MINAR1: variants seen among roughly 807,000 people sequenced by gnomAD.
The protein encoded by MINAR1 is major intrinsically disordered Notch2-binding receptor 1.
A neutral mutation model predicts 65.1 loss-of-function variants in MINAR1; 40 were observed. That is an observed-to-expected ratio of 0.61 (90% CI 0.48 to 0.80). MINAR1 has a LOEUF of 0.80. MINAR1 is among the 30% of genes least tolerant of loss of function. The probability of loss-of-function intolerance (pLI) is 0.00; values close to 1 mark genes in which losing one functional copy is unlikely to be tolerated. For missense variants in MINAR1, 1,128 were observed against 1,148.0 expected (o/e 0.98, Z 0.25); for synonymous variants, 482 against 449.1 (o/e 1.07, Z -0.93).
chr15:79,459,884 C>T (rs1895586151), intron 2 of MINAR1, among the ~76,000 whole-genome samples: 3 of 152,316 alleles, frequency 2.0e-5, no homozygotes, highest in African/African-American at 2.4e-5. Flanking sequence ...CAGTCCTCCC[C>T]TTGGGTTCTA....
the MINAR1 span, chr15:79,423,324 G>A: frequency 6.6e-6 from 1 of 152,174 alleles, no homozygotes; most frequent in Admixed American, 6.5e-5. Context: ...AAAAATAACA[G>A]ACTATGCTGA....
At chr15:79,467,851 G>A (rs144351566) in intron 3 of MINAR1, among the ~76,000 whole-genome samples, 1 of 152,172 alleles carries the variant, frequency 6.6e-6, no homozygotes, top group Non-Finnish European at 1.5e-5. Context: ...TTTGCAGTGA[G>A]GCCAGCCCCT....
chr15:79,412,063 A>G, the MINAR1 span: 2 of 140,108 alleles, frequency 1.4e-5, no homozygotes, highest in South Asian at 5.3e-4. Flanking sequence ...CTGTGCTGGC[A>G]AACCACACCA....
the MINAR1 span, chr15:79,427,171 AAACC>A: frequency 6.6e-6 from 1 of 152,234 alleles, no homozygotes; most frequent in South Asian, 2.1e-4. Flanking sequence ...TGGGAACAGA[AAACC>A]AAATAATGCA....
intron 2 of MINAR1, among the ~76,000 whole-genome samples, chr15:79,459,022 TA>T (rs201452643): frequency 2.6e-5 from 4 of 151,784 alleles, no homozygotes; most frequent in African/African-American, 9.7e-5. Flanking sequence ...ACTAAAAATG[TA>T]AAAAAAATTA....
chr15:79,467,799 C>T (rs960926377), intron 3 of MINAR1, among the ~76,000 whole-genome samples: 1 of 152,168 alleles, frequency 6.6e-6, no homozygotes, highest in Non-Finnish European at 1.5e-5. Flanking sequence ...GTTCTTAGAG[C>T]CTGTTGGAAG....
upstream of MINAR1, among the ~76,000 whole-genome samples, chr15:79,428,186 TCC>T (rs1366990932): frequency 1.1e-5 from 1 of 93,098 alleles, no homozygotes. Context: ...CCTCCCTCCC[TCC>T]CCTCCCTCTC....
At position 79,458,192 on chromosome 15, in the gene MINAR1, G is replaced by T. The variant is rs972017302; in HGVS notation, c.2045G>T (p.Cys682Phe). 3.1e-6 allele frequency: 5 copies of T among 1,614,008 alleles called. No individual in the cohort carries two copies. The South Asian group carries it at 3.3e-5, about 11-fold the overall frequency. The stretch of plus-strand genomic sequence containing the variant: ...AAACTAGAGAACAACCCTGACTGGT[G>T]CTGCTCTGATGCTAGCGGGAGCAAC... ...GPKLENNPDW[C>F]CSDASGSNSE... The change falls in exon 2 of 4, where the codon TGC becomes TTC. Residue 682 changes from cysteine to phenylalanine, a missense_variant. Physicochemically the swap from Cys to Phe is radical, Grantham distance 205. Transcript: ENST00000305428.
intron 2 of MINAR1, among the ~76,000 whole-genome samples, chr15:79,460,478 CTT>C (rs1422938466): frequency 6.6e-6 from 1 of 152,190 alleles, no homozygotes; most frequent in Non-Finnish European, 1.5e-5. Flanking sequence ...CTTGGGCTCA[CTT>C]TGTCCAGCGT....
chr15:79,456,007 CTTTATATGG>C, intron 1 of MINAR1, 82 bp from the exon 2 acceptor site: 1 of 701,188 alleles, frequency 1.4e-6, no homozygotes, highest in Non-Finnish European at 2.3e-6. Flanking sequence ...CTCTGTATTT[CTTTATATGG>C]TTTATAAGGA....
At chr15:79,435,720 A>C (rs988046441) in intron 1 of MINAR1, among the ~76,000 whole-genome samples, 12 of 152,348 alleles carry the variant, frequency 7.9e-5, no homozygotes, top group African/African-American at 2.9e-4. Flanking sequence ...TATGGTGGAA[A>C]TCTTAGGAGA....
At chr15:79,459,275 A>G (rs944062060) in intron 2 of MINAR1, among the ~76,000 whole-genome samples, 31 of 152,322 alleles carry the variant, frequency 2.0e-4, no homozygotes, top group African/African-American at 7.5e-4. Context: ...TTTTTTCTCT[A>G]CACTGTTGTT....
rs543213667 is a variant in MINAR1 at position 79,448,095 on chromosome 15, G to T, written c.-50-8003G>T. Among the ~76,000 whole-genome samples the T allele has an allele frequency of 3.6e-4, 55 of 152,230 alleles. 1 individual carries two copies. The highest frequency in any genetic ancestry group is 1.3e-3 in the African/African-American group (52 of 41,530). On this transcript the variant is annotated intron_variant, in intron 1 of 3. Transcript: ENST00000305428. Reference sequence around the variant, plus strand: ...GAATCTGGGCATTTAGCTTGCTCTCGCAAGTTTAGTTATGCCCGTTAAGAA... The same window carrying T: ...GAATCTGGGCATTTAGCTTGCTCTCTCAAGTTTAGTTATGCCCGTTAAGAA...
At chr15:79,463,392 G>C in intron 3 of MINAR1, 71 bp downstream of exon 3, 4 of 1,569,744 alleles carry the variant, frequency 2.5e-6, no homozygotes, top group Non-Finnish European at 3.5e-6. Context: ...AATGGATCAC[G>C]GACGGCTTAG....
intron 3 of MINAR1, among the ~76,000 whole-genome samples, chr15:79,465,965 G>A (rs1013713254): frequency 3.9e-5 from 6 of 152,146 alleles, no homozygotes; most frequent in South Asian, 2.1e-4. Flanking sequence ...AGGAAGAGGC[G>A]GTCCAACAGT....
the MINAR1 span, chr15:79,422,275 G>A: frequency 6.6e-6 from 1 of 152,280 alleles, no homozygotes; most frequent in African/African-American, 2.4e-5. Flanking sequence ...ATGCAGGCCA[G>A]GCGTGGTGGC....
At chr15:79,425,728 G>A in the MINAR1 span, 1 of 152,252 alleles carries the variant, frequency 6.6e-6, no homozygotes, top group African/African-American at 2.4e-5. Flanking sequence ...TGAGGAAACA[G>A]AAGTCCAGAG....
In MINAR1 at chr15:79,471,992, A is replaced by G. The variant is rs1896103553; in HGVS notation, c.*3608A>G. 6.6e-6 allele frequency: 1 copy of G among 152,572 alleles called. No individual in the cohort carries two copies. The highest frequency in any genetic ancestry group is 1.5e-5 in the Non-Finnish European group (1 of 68,024). 9.5% of individuals were successfully genotyped at this position (152,572 alleles called of 1,614,324 possible). On this transcript the variant is annotated 3_prime_UTR_variant, in exon 4 of 4. Transcript: ENST00000305428. ...TTAAGTAACAATGAGAAATGCAACAAACTTCCTTATTTATGCCTTATGAAT... is the reference window on the plus strand; with the variant it reads ...TTAAGTAACAATGAGAAATGCAACAGACTTCCTTATTTATGCCTTATGAAT...
intron 1 of MINAR1, among the ~76,000 whole-genome samples, chr15:79,443,207 G>T (rs1468397627): frequency 6.6e-6 from 1 of 152,158 alleles, no homozygotes; most frequent in Non-Finnish European, 1.5e-5. Flanking sequence ...AAAATGGTGA[G>T]GTGACCCCTG....
Sources: gnomAD v4.1 joint callset for allele counts (sites outside exome capture counted in the v4.1 genomes callset) on GRCh38, gnomAD v4.1.1 for gene constraint, MANE v1.5 for transcripts, NCBI Gene and HGNC (gene_info 2026-07-23, HGNC 2026-07-21) for gene names.